Variants in KIF21B observed in about 807,000 individuals in gnomAD.
KIF21B encodes the protein kinesin-like protein KIF21B.
A neutral mutation model predicts 192.9 loss-of-function variants in KIF21B; 85 were observed. The observed-to-expected ratio is 0.44, with a 90% CI of 0.37 to 0.53. The LOEUF is 0.53. Ranked by LOEUF, KIF21B falls within the 20% of genes least tolerant of loss-of-function variation. The probability of loss-of-function intolerance (pLI) is 0.00; values close to 1 mark genes in which losing one functional copy is unlikely to be tolerated. For missense variants in KIF21B, 1,716 were observed against 2,194.8 expected (o/e 0.78, Z 4.36); for synonymous variants, 832 against 884.6 (o/e 0.94, Z 1.05).
At chr1:200,988,670 G>T in intron 22 of KIF21B, 96 bp downstream of exon 22, 1 of 1,507,704 alleles carries the variant, frequency 6.6e-7, no homozygotes, top group Non-Finnish European at 9.0e-7. Flanking sequence ...TGGGGGTTAG[G>T]GGTGGTTCTG....
intron 26 of KIF21B, among the ~76,000 whole-genome samples, chr1:200,986,345 A>G (rs1427496395): frequency 8.0e-5 from 12 of 149,254 alleles, no homozygotes; most frequent in Non-Finnish European, 1.6e-4. Context: ...TACAGAAATT[A>G]CATTTCCTTT....
chr1:201,003,296 C>T (rs1657604863), intron 8 of KIF21B: 1 of 486,354 alleles, frequency 2.1e-6, no homozygotes, highest in Admixed American at 3.3e-5. Context: ...AGAGTGTCTG[C>T]CCTGTGCACA....
intron 8 of KIF21B, chr1:201,003,107 A>C (rs1483763608): frequency 5.8e-6 from 1 of 171,894 alleles, no homozygotes; most frequent in African/African-American, 2.4e-5. Context: ...TCCATATAAA[A>C]GGCCCCTTTT....
In KIF21B at chr1:200,992,264, TCAAGGG is replaced by T; in HGVS notation, c.2385+12_2385+17del. 2 of 1,607,188 alleles carry T rather than the reference TCAAGGG, an allele frequency of 1.2e-6. No individual in the cohort carries two copies. The highest frequency in any genetic ancestry group is 1.7e-6 in the Non-Finnish European group (2 of 1,177,946). ...CTAGGGCCAAAGGCTCCTGGGAGGC[TCAAGGG>T]CCACCCCTCACCTCCTGTCGCCGCT... On this transcript the variant is annotated intron_variant, in intron 16 of 34. Transcript: ENST00000461742.
Position 200,979,713 on chromosome 1 carries a change from G to A in KIF21B, c.3982C>T (p.Arg1328Ter), listed in dbSNP as rs748553881. ...DELLFTGSKDRSCKMWNLVTG... is the reference protein window; with the variant it reads ...DELLFTGSKD ...ACCAAGTTCCACATCTTGCAGCTTC[G>A]GTCTGTGAGAGATGGGAGGAAGCCA... The change falls in exon 30 of 35, where the codon CGA becomes TGA. Residue 1328 changes from arginine (R) to a stop codon, truncating the protein, a stop_gained and splice_region_variant. Transcript: ENST00000461742. LOFTEE classifies it high-confidence loss of function. 3 of 1,514,364 alleles carry A rather than the reference G, an allele frequency of 2.0e-6. No homozygotes were observed. Among genetic ancestry groups the A allele is most frequent in the East Asian group, 2.5e-5 (1 of 39,444 alleles). 93.8% of individuals were successfully genotyped at this position (1,514,364 alleles called of 1,614,324 possible).
At chr1:200,988,702 G>T in intron 22 of KIF21B, 64 bp downstream of exon 22, 2 of 1,556,862 alleles carry the variant, frequency 1.3e-6, no homozygotes, top group Non-Finnish European at 1.7e-6. Context: ...GCCTTGTGGG[G>T]GTCTGAGCCC....
Position 200,975,043 on chromosome 1 carries a change from G to A in KIF21B, c.4615-130C>T, listed in dbSNP as rs535091493. 2 of 873,130 alleles carry A rather than the reference G, an allele frequency of 2.3e-6. No homozygotes were observed. The highest frequency in any genetic ancestry group is 3.5e-6 in the Non-Finnish European group (2 of 564,560). The allele number at this position is 873,130 out of a possible 1,614,324, so 54.1% of individuals were successfully genotyped here. A position where few individuals can be genotyped will look rare whatever the true frequency, so the allele number is the denominator to read the frequency against. On this transcript the variant is annotated intron_variant, in intron 33 of 34. Coordinates refer to ENST00000461742, the MANE Select transcript of KIF21B (RefSeq NM_001252102.2). The surrounding 1 kb of genome is among the most constrained non-coding windows in gnomAD (Gnocchi z 4.3). ...GCCTCTAGAGCTGCCACACGGGCGG[G>A]TGACACTGGTTCCAGGAGCCATGCT... is the stretch of plus-strand genomic sequence containing the variant.
chr1:201,005,476 T>C (rs998631499), intron 4 of KIF21B, 34 bp from the exon 5 acceptor site: 7 of 1,595,706 alleles, frequency 4.4e-6, no homozygotes, highest in Non-Finnish European at 6.0e-6. Flanking sequence ...GGCTTGGGAC[T>C]ACCGTGGTGC....
Position 200,998,574 on chromosome 1 carries a change from C to T in KIF21B, c.1887G>A (p.Glu629=). 2 of 1,612,868 alleles carry T rather than the reference C, an allele frequency of 1.2e-6. No homozygotes were observed. Among genetic ancestry groups the T allele is most frequent in the Non-Finnish European group, 1.7e-6 (2 of 1,179,520 alleles). Residue 629 remains glutamate (E), a splice_region_variant and synonymous_variant, in exon 14 of 35, where the codon GAG becomes GAA. Transcript: ENST00000461742. The surrounding 1 kb of genome is among the most constrained non-coding windows in gnomAD (Gnocchi z 4.3). ...VDSDSDPEEK[E]VNFQADLADL... Reference sequence around the variant, plus strand: ...CGGCCAGGTCCGCCTGGAAGTTCACCTCTATGGGGGCACAATCAGGCTCAG... The same window carrying T: ...CGGCCAGGTCCGCCTGGAAGTTCACTTCTATGGGGGCACAATCAGGCTCAG...
In KIF21B at chr1:201,002,296, C is replaced by T; in HGVS notation, c.1267G>A (p.Glu423Lys). The change falls in exon 9 of 35, where the codon GAG (glutamate) becomes AAG (lysine). Residue 423 changes from glutamate (E) to lysine (K), a missense_variant. Transcript: ENST00000461742. ...TTCTCCTTCTGTAGCATGGCATTCT[C>T]TCGGAACAGATCACTATAGCCCTCA... ...GAEGYSDLFR[E>K]NAMLQKENGA... 1 of 1,614,244 alleles carries T rather than the reference C, an allele frequency of 6.2e-7. No individual in the cohort carries two copies. The highest frequency in any genetic ancestry group is 1.3e-5 in the African/African-American group (1 of 75,064).
In KIF21B at chr1:201,009,251, G is replaced by A. The variant is rs35918012; in HGVS notation, c.264+15C>T. On this transcript the variant is annotated intron_variant, in intron 2 of 34. Transcript: ENST00000461742. ...AAGGCTGGAGCCGCCATAGGTGGGC[G>A]TGAAGATGGCTTACCTGCCCATAGG... 5.0e-5 allele frequency: 81 copies of A among 1,610,232 alleles called. 1 individual carries two copies. Among genetic ancestry groups the A allele is most frequent in the South Asian group, 3.0e-4 (27 of 90,744 alleles).
chr1:201,002,317 C>T lies in KIF21B; in HGVS notation c.1246G>A (p.Gly416Ser), dbSNP rs768297694. Residue 416 changes from glycine to serine, a missense_variant, in exon 9 of 35, where the codon GGC becomes AGC. This residue lies in a region of KIF21B where 1,087 missense variants were observed against 1,316.6 expected (regional missense o/e 0.83). Transcript: ENST00000461742. Reference protein sequence around the residue: ...KRVIGEDGAEGYSDLFRENAM... With the variant: ...KRVIGEDGAESYSDLFRENAM... ...TTCTCTCGGAACAGATCACTATAGCCCTCAGCGCCATCCTCTCCTATCACT... is the reference window on the plus strand; with the variant it reads ...TTCTCTCGGAACAGATCACTATAGCTCTCAGCGCCATCCTCTCCTATCACT... 1.2e-6 allele frequency: 2 copies of T among 1,614,194 alleles called. No homozygotes were observed. Among genetic ancestry groups the T allele is most frequent in the South Asian group, 1.1e-5 (1 of 91,086 alleles).
chr1:200,994,607 A>G (rs534091957), intron 15 of KIF21B, among the ~76,000 whole-genome samples: 45 of 152,322 alleles, frequency 3.0e-4, no homozygotes, highest in African/African-American at 1.0e-3. Context: ...TTGGCGTTAC[A>G]TTATTTGCCA....
At chr1:200,988,098 C>T (rs1473005227) in intron 24 of KIF21B, among the ~76,000 whole-genome samples, 198 bp downstream of exon 24, 1 of 152,232 alleles carries the variant, frequency 6.6e-6, no homozygotes, top group African/African-American at 2.4e-5. Context: ...TTCCACCCAC[C>T]TCAGAAGGAA....
intron 30 of KIF21B, among the ~76,000 whole-genome samples, chr1:200,979,042 A>C (rs747066814): frequency 3.2e-4 from 49 of 152,216 alleles, no homozygotes; most frequent in South Asian, 6.2e-4. Flanking sequence ...GTGTTAATGT[A>C]AGGATGTAGC....
chr1:200,986,411 G>A (rs570429709), intron 26 of KIF21B, among the ~76,000 whole-genome samples: 35 of 149,328 alleles, frequency 2.3e-4, no homozygotes, highest in South Asian at 1.7e-3. Context: ...AGGCTGCAGC[G>A]TAGTGGCACG....
At chr1:200,978,458 C>A (rs554939662) in intron 30 of KIF21B, among the ~76,000 whole-genome samples, 2 of 151,936 alleles carry the variant, frequency 1.3e-5, no homozygotes, top group South Asian at 4.2e-4. Flanking sequence ...TGCTCCCACA[C>A]AGGCACAGTC....
In KIF21B at chr1:200,972,143, C is replaced by A. The variant is rs528754067; in HGVS notation, c.*1378G>T. On this transcript the variant is annotated 3_prime_UTR_variant, in exon 35 of 35. Coordinates refer to ENST00000461742, the MANE Select transcript of KIF21B (RefSeq NM_001252102.2). The stretch of plus-strand genomic sequence containing the variant: ...CCAGAGTTCCCCCAACAGGGGGCGC[C>A]AGAACACTGATTTAACAATTTCCCC... The A allele has an allele frequency of 2.6e-5, 4 of 152,288 alleles. No individual in the cohort carries two copies. The highest frequency in any genetic ancestry group is 4.4e-5 in the Non-Finnish European group (3 of 68,040). 9.4% of individuals were successfully genotyped at this position (152,288 alleles called of 1,614,324 possible).
chr1:201,000,754 G>T lies in KIF21B; in HGVS notation c.1429C>A (p.Leu477Met). The change falls in exon 10 of 35, where the codon CTG (leucine) becomes ATG (methionine). Residue 477 changes from leucine to methionine, a missense_variant. By Grantham distance (15) the Leu-to-Met change is conservative. This residue lies in a region of KIF21B where 1,087 missense variants were observed against 1,316.6 expected (regional missense o/e 0.83). Transcript: ENST00000461742. The surrounding 1 kb of genome is among the most constrained non-coding windows in gnomAD (Gnocchi z 6.0). ...AGDGNEAIGALIQNYIREIEE... is the reference protein window; with the variant it reads ...AGDGNEAIGAMIQNYIREIEE... ...ATCTCCCGGATGTAGTTCTGGATCAGCGCACCAATGGCCTCATTGCCATCG... is the reference window on the plus strand; with the variant it reads ...ATCTCCCGGATGTAGTTCTGGATCATCGCACCAATGGCCTCATTGCCATCG... The T allele has an allele frequency of 6.2e-7, 1 of 1,614,258 alleles. No individual in the cohort carries two copies. The highest frequency in any genetic ancestry group is 8.5e-7 in the Non-Finnish European group (1 of 1,180,036).
Sources: allele counts gnomAD v4.1 joint callset (sites outside exome capture counted in the v4.1 genomes callset), GRCh38; gene constraint gnomAD v4.1.1; regional missense constraint gnomAD v4.1.1; non-coding constraint Gnocchi (gnomAD v3.1); transcripts MANE v1.5; gene names NCBI Gene and HGNC (gene_info 2026-07-23, HGNC 2026-07-21).